The following PRELID2 variants were observed in gnomAD, a reference collection of about 807,000 sequenced individuals.
PRELID2 encodes the protein PRELI domain containing 2, also known as PRELI domain-containing protein 2.
A neutral mutation model predicts 28.4 loss-of-function variants in PRELID2; 25 were observed. The ratio of observed to expected loss-of-function variants is 0.88; its 90% CI spans 0.64 to 1.23. The LOEUF is 1.23. Ranked by LOEUF, PRELID2 falls within the 50% of genes most tolerant of loss-of-function variation. The probability of loss-of-function intolerance (pLI) is 0.00; values close to 1 mark genes in which losing one functional copy is unlikely to be tolerated. For synonymous variants in PRELID2, 76 were observed against 71.6 expected (o/e 1.06, Z -0.31); for missense variants, 201 against 214.4 (o/e 0.94, Z 0.39).
intron 1 of PRELID2, among the ~76,000 whole-genome samples, chr5:145,575,926 C>A (rs1753056561): frequency 6.6e-6 from 1 of 152,064 alleles, no homozygotes; most frequent in African/African-American, 2.4e-5. Flanking sequence ...GCTCCACAGA[C>A]CTTCTTATGT....
chr5:145,389,804 G>A, the PRELID2 span, among the ~76,000 whole-genome samples: 4 of 152,190 alleles, frequency 2.6e-5, no homozygotes, highest in East Asian at 3.9e-4. Flanking sequence ...GGTGGTATAC[G>A]AACAATACTT....
the PRELID2 span, among the ~76,000 whole-genome samples, chr5:145,439,083 A>G: frequency 6.6e-6 from 1 of 152,090 alleles, no homozygotes; most frequent in South Asian, 2.1e-4. Context: ...ATCCTCCTTT[A>G]CTTGTGTCCC....
chr5:145,684,038 C>A (rs540397189), intron 1 of PRELID2, among the ~76,000 whole-genome samples: 27 of 152,274 alleles, frequency 1.8e-4, no homozygotes, highest in Non-Finnish European at 1.3e-4. Flanking sequence ...ACTTCTACAT[C>A]CTGCCATGCC....
chr5:145,669,659 C>T (rs985332018), intron 1 of PRELID2, among the ~76,000 whole-genome samples: 1 of 152,058 alleles, frequency 6.6e-6, no homozygotes, highest in African/African-American at 2.4e-5. Context: ...GGATAATGGC[C>T]AACACCTTGA....
the PRELID2 span, among the ~76,000 whole-genome samples, chr5:145,246,012 G>A: frequency 6.6e-6 from 1 of 151,768 alleles, no homozygotes; most frequent in African/African-American, 2.4e-5. Context: ...TCTTAATTTG[G>A]GACACAATGA....
chr5:145,660,410 A>G (rs1033008902), intron 1 of PRELID2, among the ~76,000 whole-genome samples: 1 of 152,166 alleles, frequency 6.6e-6, no homozygotes, highest in Non-Finnish European at 1.5e-5. Context: ...TGATCCTCCT[A>G]CATCAGCTCC....
chr5:145,790,376 A>C (rs1192160374), intron 5 of PRELID2, among the ~76,000 whole-genome samples: 2 of 152,164 alleles, frequency 1.3e-5, no homozygotes, highest in African/African-American at 4.8e-5. Flanking sequence ...CATTATGTTA[A>C]GTGAAATAAG....
chr5:145,301,164 C>G, the PRELID2 span, among the ~76,000 whole-genome samples: 81 of 152,014 alleles, frequency 5.3e-4, no homozygotes, highest in African/African-American at 1.9e-3. Flanking sequence ...TTAGTGCTGT[C>G]AAATTTTTTA....
Position 145,686,604 on chromosome 5 carries a change from G to A in PRELID2, n.70+78327C>T, listed in dbSNP as rs565414245. On this transcript the variant is annotated intron_variant and non_coding_transcript_variant, in intron 1 of 2. Coordinates refer to the PRELID2 transcript ENST00000510259. The stretch of plus-strand genomic sequence containing the variant: ...GTTAGTTTGAAGACTATTTGTGTGC[G>A]TGTTTTTTTAAAACAACATCTGGAC... Among the ~76,000 whole-genome samples, 15 of 152,276 alleles carry A rather than the reference G, an allele frequency of 9.9e-5. No individual in the cohort carries two copies. In the East Asian group the frequency reaches 1.2e-3, roughly 12 times the overall value.
At chr5:145,428,224 G>A in the PRELID2 span, among the ~76,000 whole-genome samples, 1 of 152,092 alleles carries the variant, frequency 6.6e-6, no homozygotes, top group Non-Finnish European at 1.5e-5. Flanking sequence ...CTCCCAAAGT[G>A]CTGGGATTGC....
intron 1 of PRELID2, among the ~76,000 whole-genome samples, chr5:145,684,298 T>C (rs911489897): frequency 6.6e-6 from 1 of 152,214 alleles, no homozygotes; most frequent in Non-Finnish European, 1.5e-5. Context: ...TCTGAACTTT[T>C]ACGCAATCAG....
chr5:145,679,271 C>G (rs993710560), intron 1 of PRELID2, among the ~76,000 whole-genome samples: 4 of 152,166 alleles, frequency 2.6e-5, no homozygotes, highest in African/African-American at 9.7e-5. Flanking sequence ...GCCCCCACTC[C>G]CTAACTATAG....
chr5:145,335,804 G>C, the PRELID2 span, among the ~76,000 whole-genome samples: 1 of 152,118 alleles, frequency 6.6e-6, no homozygotes, highest in Non-Finnish European at 1.5e-5. Flanking sequence ...GGGATGGCTG[G>C]GTCAAATGGT....
chr5:145,255,704 C>T, the PRELID2 span, among the ~76,000 whole-genome samples: 9 of 151,916 alleles, frequency 5.9e-5, no homozygotes, highest in African/African-American at 2.2e-4. Context: ...TCTCTTGAGC[C>T]TGGGAAATTG....
chr5:145,642,317 A>G (rs62392280), intron 1 of PRELID2, among the ~76,000 whole-genome samples: 5,362 of 152,186 alleles, frequency 0.035, 194 homozygotes, highest in African/African-American at 0.089. Flanking sequence ...TATCTTCTTT[A>G]GAGAAGTGTC....
At chr5:145,807,723 C>A (rs142454721) in intron 4 of PRELID2, among the ~76,000 whole-genome samples, 67 of 152,276 alleles carry the variant, frequency 4.4e-4, no homozygotes, top group African/African-American at 1.4e-3. Flanking sequence ...CCCGACCCTG[C>A]CATTCCCATT....
the PRELID2 span, among the ~76,000 whole-genome samples, chr5:145,391,686 T>G: frequency 5.4e-5 from 8 of 147,288 alleles, no homozygotes; most frequent in African/African-American, 1.3e-4. Flanking sequence ...AATGTTTTGT[T>G]TTTTTTTTTT....
At chr5:145,392,516 G>A in the PRELID2 span, among the ~76,000 whole-genome samples, 2 of 152,080 alleles carry the variant, frequency 1.3e-5, no homozygotes, top group Admixed American at 1.3e-4. Flanking sequence ...CATATCACCT[G>A]GACACAGAGA....
chr5:145,417,661 A>G, the PRELID2 span, among the ~76,000 whole-genome samples: 1 of 152,210 alleles, frequency 6.6e-6, no homozygotes, highest in Non-Finnish European at 1.5e-5. Flanking sequence ...GATTATATCA[A>G]TAGATGCAGA....
Sources: allele counts gnomAD v4.1 joint callset (sites outside exome capture counted in the v4.1 genomes callset), GRCh38; gene constraint gnomAD v4.1.1; transcripts MANE v1.5; gene names NCBI Gene and HGNC (gene_info 2026-07-23, HGNC 2026-07-21).